Variants in CALD1 observed in about 807,000 individuals in gnomAD.
CALD1 encodes caldesmon 1.
In CALD1, 33 loss-of-function variants were observed where a neutral mutation model predicts 99.9. That is an observed-to-expected ratio of 0.33 (90% confidence interval 0.25 to 0.44). The LOEUF (loss-of-function observed/expected upper bound fraction) is 0.44, where lower values mean the gene tolerates loss of function less well. CALD1 is among the 20% of genes least tolerant of loss of function. The pLI is 1.00. For synonymous variants in CALD1, 310 were observed against 325.0 expected (o/e 0.95, Z 0.50); for missense variants, 861 against 962.1 (o/e 0.89, Z 1.39).
chr7:134,711,579 G>T, the CALD1 span, among the ~76,000 whole-genome samples: 1 of 148,344 alleles, frequency 6.7e-6, no homozygotes. Context: ...ACTTCAGCCT[G>T]GCCAGCCCTC....
chr7:134,817,960 C>T (rs1020356467), intron 1 of CALD1, among the ~76,000 whole-genome samples: 2 of 152,090 alleles, frequency 1.3e-5, no homozygotes, highest in African/African-American at 2.4e-5. Context: ...TTGCCGTCAG[C>T]CCATTTTGTT....
At chr7:134,803,539 A>T (rs1798025281) in intron 1 of CALD1, among the ~76,000 whole-genome samples, 1 of 152,066 alleles carries the variant, frequency 6.6e-6, no homozygotes, top group African/African-American at 2.4e-5. Context: ...TCCATGTAGA[A>T]TGAGTATTTG....
chr7:134,833,215 G>A (rs1799300943), intron 1 of CALD1, among the ~76,000 whole-genome samples: 1 of 152,148 alleles, frequency 6.6e-6, no homozygotes, highest in Non-Finnish European at 1.5e-5. Context: ...TGAAACTTCT[G>A]GTTTTGGGGG....
intron 3 of CALD1, among the ~76,000 whole-genome samples, chr7:134,896,317 G>A (rs1802572554): frequency 6.8e-6 from 1 of 147,722 alleles, no homozygotes; most frequent in South Asian, 2.2e-4. Context: ...GTGGCACTGG[G>A]AAACAAGCAT....
intron 3 of CALD1, among the ~76,000 whole-genome samples, chr7:134,872,513 A>G (rs1801146531): frequency 6.6e-6 from 1 of 152,194 alleles, no homozygotes; most frequent in Admixed American, 6.5e-5. Flanking sequence ...AAAGGAAGGA[A>G]GTACTTCATT....
chr7:134,759,602 G>A (rs1053549574), intron 1 of CALD1, among the ~76,000 whole-genome samples: 2 of 152,190 alleles, frequency 1.3e-5, no homozygotes, highest in Non-Finnish European at 2.9e-5. Flanking sequence ...AGGGGTGAAG[G>A]CAGATTCGCG....
chr7:134,884,109 G>GAA lies in CALD1; in HGVS notation c.71+16315_71+16316dup, dbSNP rs71172481. Among the ~76,000 whole-genome samples, 54 of 146,564 alleles carry GAA rather than the reference G, an allele frequency of 3.7e-4. No individual in the cohort carries two copies. The East Asian group carries it at 5.4e-3, about 15-fold the overall frequency. On this transcript the variant is annotated intron_variant, in intron 3 of 14. Transcript: ENST00000361675. ...AAGAGTGAAACTCTGTCTCAAAAAA[G>GAA]AAAAAAAAAAAGGAATGGCCAGTAG...
At chr7:134,924,575 A>ATGT in intron 3 of CALD1, among the ~76,000 whole-genome samples, 1 of 152,300 alleles carries the variant, frequency 6.6e-6, no homozygotes, top group South Asian at 2.1e-4. Flanking sequence ...GTCAACTGAT[A>ATGT]TGTTCTTGAA....
At chr7:134,927,177 AT>A (rs1275505287) in intron 3 of CALD1, among the ~76,000 whole-genome samples, 1 of 152,160 alleles carries the variant, frequency 6.6e-6, no homozygotes, top group Non-Finnish European at 1.5e-5. Context: ...ACGTGTCAAA[AT>A]AGCTATTTCC....
chr7:134,777,530 G>T (rs892311242), upstream of CALD1, among the ~76,000 whole-genome samples: 1 of 152,044 alleles, frequency 6.6e-6, no homozygotes, highest in Non-Finnish European at 1.5e-5. Flanking sequence ...TGGAAAGCTG[G>T]TATTTATTTT....
upstream of CALD1, among the ~76,000 whole-genome samples, chr7:134,776,751 G>T (rs1796921864): frequency 2.6e-5 from 4 of 152,106 alleles, 1 homozygote; most frequent in Admixed American, 2.0e-4. Flanking sequence ...ATTTTAAGGT[G>T]GAAGGAGGTA....
At chr7:134,792,734 T>A (rs536794610) in intron 1 of CALD1, among the ~76,000 whole-genome samples, 12 of 152,300 alleles carry the variant, frequency 7.9e-5, no homozygotes, top group African/African-American at 2.9e-4. Flanking sequence ...CTTCAACATA[T>A]GAATACTCGG....
intron 3 of CALD1, among the ~76,000 whole-genome samples, chr7:134,881,078 A>G (rs1211980385): frequency 1.3e-5 from 2 of 152,210 alleles, no homozygotes; most frequent in South Asian, 4.1e-4. Flanking sequence ...TCAGTTTTCC[A>G]TGAGAACTCT....
chr7:134,767,693 C>T (rs1339739900), intron 1 of CALD1, among the ~76,000 whole-genome samples: 3 of 152,194 alleles, frequency 2.0e-5, no homozygotes, highest in Non-Finnish European at 4.4e-5. Context: ...TGGGTAAGCA[C>T]GTGCAGACGT....
intron 3 of CALD1, among the ~76,000 whole-genome samples, chr7:134,873,231 A>AC (rs367564868): frequency 1.3e-5 from 2 of 151,558 alleles, no homozygotes; most frequent in Non-Finnish European, 2.9e-5. Flanking sequence ...ACAAAAAAAA[A>AC]CACTATATTC....
At chr7:134,778,847 A>G (rs928277477), upstream of CALD1, among the ~76,000 whole-genome samples, 11 of 152,224 alleles carry the variant, frequency 7.2e-5, no homozygotes, top group African/African-American at 2.7e-4. Context: ...ACCAAATCTG[A>G]GGAAACAAAA....
chr7:134,733,360 A>G, the CALD1 span, among the ~76,000 whole-genome samples: 1 of 152,230 alleles, frequency 6.6e-6, no homozygotes, highest in Non-Finnish European at 1.5e-5. Flanking sequence ...ACAAGAGCCC[A>G]GAGGAGTTTA....
chr7:134,747,987 T>C (rs527503391), intron 1 of CALD1, among the ~76,000 whole-genome samples: 1 of 152,010 alleles, frequency 6.6e-6, no homozygotes, highest in South Asian at 2.1e-4. Context: ...ACCTGGAAAA[T>C]CTATGGTGGC....
intron 1 of CALD1, among the ~76,000 whole-genome samples, chr7:134,781,879 T>A (rs990006567): frequency 2.0e-5 from 3 of 152,236 alleles, no homozygotes; most frequent in African/African-American, 7.2e-5. Flanking sequence ...TTAAATGAGA[T>A]ACATGAAAGC....
Sources: allele counts gnomAD v4.1 joint callset (sites outside exome capture counted in the v4.1 genomes callset), GRCh38; gene constraint gnomAD v4.1.1; transcripts MANE v1.5; gene names NCBI Gene and HGNC (gene_info 2026-07-23, HGNC 2026-07-21).